APOB: variants seen among roughly 807,000 people sequenced by gnomAD.
APOB encodes the protein apolipoprotein B.
APOB carries 153 observed loss-of-function variants against 314.1 expected under a neutral mutation model. The observed-to-expected ratio is 0.49, with a 90% CI of 0.43 to 0.56. APOB has a LOEUF of 0.56. Among genes scored for constraint, APOB ranks in the 20% least tolerant of loss-of-function variants. The probability of loss-of-function intolerance (pLI) is 0.00; values close to 1 mark genes in which losing one functional copy is unlikely to be tolerated. For synonymous variants in APOB, 2,087 were observed against 2,036.4 expected, an observed-to-expected ratio of 1.02 and a Z score of -0.67; for missense variants, 5,430 against 5,350.7, an observed-to-expected ratio of 1.01 and a Z score of -0.46.
At position 21,043,635 on chromosome 2, in the gene APOB, G is replaced by A. The variant is rs538749375; in HGVS notation, c.83-84C>T. ...GCCCGACAGGGGGACCACCGGCACAGGTTTCACCTTTCAGGAGGGAGGCAG... is the reference window on the plus strand; with the variant it reads ...GCCCGACAGGGGGACCACCGGCACAAGTTTCACCTTTCAGGAGGGAGGCAG... On this transcript the variant is annotated intron_variant, in intron 1 of 28. Transcript: ENST00000233242. The A allele has an allele frequency of 5.4e-5, 83 of 1,542,920 alleles. 1 individual carries two copies. The South Asian group carries it at 8.6e-4, about 16-fold the overall frequency.
At chr2:21,027,470 C>T (rs1053480351) in intron 14 of APOB, among the ~76,000 whole-genome samples, 5 of 152,096 alleles carry the variant, frequency 3.3e-5, no homozygotes, top group African/African-American at 4.8e-5. Flanking sequence ...CCTGCCACCA[C>T]GCCCGGCTAA....
rs368953294 is a variant in APOB, at chr2:21,003,299, A to T, written c.12123T>A (p.Thr4041=). Residue 4041 remains threonine (T), a synonymous_variant, in exon 29 of 29, where the codon ACT becomes ACA. Transcript: ENST00000233242. The part of the protein sequence containing the change: ...SPDKKLTIFK[T]ELRVRESDEE... ...CATCAGATTCCCGGACCCTCAACTC[A>T]GTTTTGAATATGGTGAGTTTTTTAT... 1.9e-6 allele frequency: 3 copies of T among 1,613,614 alleles called. No individual in the cohort carries two copies. The highest frequency in any genetic ancestry group is 2.5e-6 in the Non-Finnish European group (3 of 1,179,900).
At chr2:21,041,113 G>A (rs1411525093) in intron 3 of APOB, 30 bp from the exon 4 acceptor site, 1 of 1,605,396 alleles carries the variant, frequency 6.2e-7, no homozygotes, top group Non-Finnish European at 8.5e-7. Context: ...GAGCATTGAG[G>A]TTGTCTATCA....
chr2:21,022,037 G>GCT (rs147510997), intron 18 of APOB, among the ~76,000 whole-genome samples: 146 of 152,228 alleles, frequency 9.6e-4, no homozygotes, highest in African/African-American at 3.5e-3. Context: ...TTCACTGAAG[G>GCT]CTTGAACTCT....
At chr2:21,023,154 C>T (rs1426982179) in intron 17 of APOB, 112 bp from the exon 18 acceptor site, 3 of 987,024 alleles carry the variant, frequency 3.0e-6, no homozygotes, top group Non-Finnish European at 4.8e-6. Flanking sequence ...TAACTCAGAC[C>T]TTTGGAAACA....
At position 21,016,531 on chromosome 2, in the gene APOB, A is replaced by G; in HGVS notation, c.3240T>C (p.Asn1080=). The G allele has an allele frequency of 6.2e-7, 1 of 1,604,656 alleles. No homozygotes were observed. Residue 1080 remains asparagine (N), a synonymous_variant, in exon 21 of 29, where the codon AAT becomes AAC. Coordinates refer to ENST00000233242, the MANE Select transcript of APOB (RefSeq NM_000384.3). ...DVDLGTILRV[N]DESTEGKTSY... ...ACGTTTTGCCCTCAGTAGATTCATC[A>G]TTAACTCTGAGGATTGTTCCGAGGT...
intron 10 of APOB, among the ~76,000 whole-genome samples, chr2:21,032,149 T>C (rs1050679768): frequency 6.6e-6 from 1 of 152,180 alleles, no homozygotes; most frequent in African/African-American, 2.4e-5. Context: ...TATAATATAA[T>C]GTAGAGAAAA....
At position 21,002,269 on chromosome 2, in the gene APOB, G is replaced by C. The variant is rs864309556; in HGVS notation, c.13153C>G (p.Arg4385Gly). 6.2e-7 allele frequency: 1 copy of C among 1,613,782 alleles called. No individual in the cohort carries two copies. The highest frequency in any genetic ancestry group is 2.2e-5 in the East Asian group (1 of 44,880). The change falls in exon 29 of 29, where the codon CGT becomes GGT. Residue 4385 changes from arginine (R) to glycine (G), a missense_variant. This residue lies in a region of APOB where 3,281 missense variants were observed against 3,171.0 expected (regional missense o/e 1.03). Coordinates refer to ENST00000233242, the MANE Select transcript of APOB (RefSeq NM_000384.3). ...QQIHQYIMAL[R>G]EEYFDPSIVG... is the part of the protein sequence containing the mutation. ...ATACTTGGATCAAAATATTCTTCAC[G>C]AAGGGCCATAATGTATTGATGGATC...
intron 4 of APOB, among the ~76,000 whole-genome samples, chr2:21,040,544 C>T (rs1017732581): frequency 8.5e-5 from 13 of 152,184 alleles, no homozygotes; most frequent in Admixed American, 2.0e-4. Flanking sequence ...TGCTCCTCTG[C>T]CCTGCGGTGA....
chr2:21,023,700 C>T lies in APOB; in HGVS notation c.2437-8G>A. The T allele has an allele frequency of 6.2e-7, 1 of 1,603,258 alleles. No homozygotes were observed. Among genetic ancestry groups the T allele is most frequent in the Non-Finnish European group, 8.5e-7 (1 of 1,172,604 alleles). ...CCTGATGACCTCTCCAATCTGTAGACCCAACAAGGGAGAGCAAATAAAAGT... is the reference window on the plus strand; with the variant it reads ...CCTGATGACCTCTCCAATCTGTAGATCCAACAAGGGAGAGCAAATAAAAGT... On this transcript the variant is annotated splice_polypyrimidine_tract_variant and splice_region_variant and intron_variant, in intron 16 of 28. Coordinates refer to ENST00000233242, the MANE Select transcript of APOB (RefSeq NM_000384.3).
chr2:21,002,616 T>C lies in APOB; in HGVS notation c.12806A>G (p.Tyr4269Cys), dbSNP rs761276405. 1.2e-5 allele frequency: 19 copies of C among 1,613,958 alleles called. No homozygotes were observed. The East Asian group carries it at 2.0e-4, about 17-fold the overall frequency. Reference sequence around the variant, plus strand: ...TGATAAATCTTTCAACAGTTCCCTATACATCGAGATTACATCTATTAGTTT... The same window carrying C: ...TGATAAATCTTTCAACAGTTCCCTACACATCGAGATTACATCTATTAGTTT... ...KHKLIDVISM[Y>C]RELLKDLSKE... Residue 4269 changes from tyrosine (Y) to cysteine (C), a missense_variant, in exon 29 of 29, where the codon TAT becomes TGT. By Grantham distance (194) the Tyr-to-Cys change is radical. Coordinates refer to ENST00000233242, the MANE Select transcript of APOB (RefSeq NM_000384.3).
At chr2:21,037,656 G>GT (rs61403600) in intron 5 of APOB, among the ~76,000 whole-genome samples, 152,286 of 152,286 alleles carry the variant, frequency 1, 76,143 homozygotes, top group Non-Finnish European at 1. Context: ...GATTTACTGT[G>GT]TACACCATAA....
rs543224958 is a variant in APOB at position 21,028,362 on chromosome 2, G to A, written c.1794C>T (p.Ala598=). The change falls in exon 13 of 29, where the codon GCC becomes GCT. Residue 598 remains alanine (A), a synonymous_variant. Coordinates refer to ENST00000233242, the MANE Select transcript of APOB (RefSeq NM_000384.3). ...CCAATTCTTCTGAGTTCAAGATATT[G>A]GCAATATGGGAAGCCACAAAGTTCT... ...QVKNFVASHI[A]NILNSEELDI... 174 of 1,614,098 alleles carry A rather than the reference G, an allele frequency of 1.1e-4. 2 individuals carry two copies. In the South Asian group the frequency reaches 1.8e-3, roughly 17 times the overall value.
intron 20 of APOB, among the ~76,000 whole-genome samples, chr2:21,016,976 T>G (rs1200666297): frequency 7.3e-6 from 1 of 136,672 alleles, no homozygotes; most frequent in African/African-American, 2.9e-5. Context: ...AGAGCGAGAC[T>G]CCATCTCAAA....
At chr2:21,040,577 C>T (rs1281676158) in intron 4 of APOB, among the ~76,000 whole-genome samples, 1 of 152,192 alleles carries the variant, frequency 6.6e-6, no homozygotes, top group Non-Finnish European at 1.5e-5. Context: ...CCGCCATGTG[C>T]CGGCCACAGC....
chr2:21,002,856 AGATGCT>A lies in APOB; in HGVS notation c.12560_12565del (p.Lys4187_Leu4189delinsMet). The A allele has an allele frequency of 6.2e-7, 1 of 1,613,572 alleles. No individual in the cohort carries two copies. The highest frequency in any genetic ancestry group is 1.1e-5 in the South Asian group (1 of 90,970). Reference sequence around the variant, plus strand: ...CAGAAAATCAATGAGTGAGTCAATCAGATGCTTGACTTTCATATGGAATTCTTGAGT... The same window carrying A: ...CAGAAAATCAATGAGTGAGTCAATCATGACTTTCATATGGAATTCTTGAGT... On this transcript the variant is annotated inframe_deletion, in exon 29 of 29. Coordinates refer to ENST00000233242, the MANE Select transcript of APOB (RefSeq NM_000384.3).
rs771654872 is a variant in APOB at position 21,010,491 on chromosome 2, A to G, written c.6377T>C (p.Leu2126Pro). ...TTGTCTCTCCCAATTGAATGAATTC[A>G]GATAATCATTAGCTTGCTGTGGGAG... Reference protein sequence around the residue: ...GKLPQQANDYLNSFNWERQVS... With the variant: ...GKLPQQANDYPNSFNWERQVS... Residue 2126 changes from leucine to proline, a missense_variant, in exon 26 of 29, where the codon CTG (leucine) becomes CCG (proline). Around this residue, in one of 3 missense-constraint regions of APOB, gnomAD observed 3,281 missense variants for 3,171.0 expected, o/e 1.03. Transcript: ENST00000233242. The G allele has an allele frequency of 3.7e-6, 6 of 1,610,520 alleles. No homozygotes were observed.
In APOB at chr2:21,008,178, T is replaced by C; in HGVS notation, c.8690A>G (p.Lys2897Arg). 1.2e-6 allele frequency: 2 copies of C among 1,614,080 alleles called. No homozygotes were observed. Among genetic ancestry groups the C allele is most frequent in the Non-Finnish European group, 8.5e-7 (1 of 1,179,966 alleles). Residue 2897 changes from lysine to arginine, a missense_variant, in exon 26 of 29, where the codon AAA (lysine) becomes AGA (arginine). Coordinates refer to ENST00000233242, the MANE Select transcript of APOB (RefSeq NM_000384.3). ...GTCAGCCTGACTAGAGAAGTCCAGT[T>C]TGGGGATGTTCAATTTGTGGAAGTA... ...TKYFHKLNIP[K>R]LDFSSQADLR...
At chr2:21,014,305 A>G (rs1236798986) in intron 24 of APOB, 143 bp downstream of exon 24, 16 of 921,762 alleles carry the variant, frequency 1.7e-5, no homozygotes, top group Non-Finnish European at 2.3e-5. Context: ...AAGATGCCAC[A>G]GTGTTTGTGC....
Sources: gnomAD v4.1 joint callset for allele counts (sites outside exome capture counted in the v4.1 genomes callset) on GRCh38, gnomAD v4.1.1 for gene constraint, gnomAD v4.1.1 regional missense constraint, MANE v1.5 for transcripts, NCBI Gene and HGNC (gene_info 2026-07-23, HGNC 2026-07-21) for gene names.